TLN2: variants seen among roughly 807,000 people sequenced by gnomAD.
TLN2 encodes talin 2, also known as talin-2.
Under a neutral mutation model 294.7 loss-of-function variants are expected in TLN2, and 118 were observed. The observed-to-expected ratio is 0.40, with a 90% CI of 0.34 to 0.47. The LOEUF (loss-of-function observed/expected upper bound fraction) is 0.47, where lower values mean the gene tolerates loss of function less well. TLN2 is among the 20% of genes least tolerant of loss of function. TLN2 has a pLI of 0.84. For synonymous variants in TLN2, 1,431 were observed against 1,304.5 expected (o/e 1.10, Z -2.09); for missense variants, 3,083 against 3,282.2 (o/e 0.94, Z 1.48).
rs776541173 is a variant in TLN2, at chr15:62,724,985, G to A, written c.3136G>A (p.Ala1046Thr). 11 of 1,611,722 alleles carry A rather than the reference G, an allele frequency of 6.8e-6. No individual in the cohort carries two copies. Among genetic ancestry groups the A allele is most frequent in the East Asian group, 6.7e-5 (3 of 44,828 alleles). Residue 1046 changes from alanine to threonine, a missense_variant, in exon 27 of 59, where the codon GCT (alanine) becomes ACT (threonine). Transcript: ENST00000636159. ...LRTASQKAHE[A>T]CGPMEIDSAL... is the part of the protein sequence containing the mutation. ...CCAACTCTGTTGGCAGGCCCATGAA[G>A]CTTGTGGTCCGATGGAAATCGATTC...
At chr15:62,765,033 C>T (rs1279770888) in intron 40 of TLN2, among the ~76,000 whole-genome samples, 1 of 151,016 alleles carries the variant, frequency 6.6e-6, no homozygotes, top group Non-Finnish European at 1.5e-5. Context: ...CCCTCATCCC[C>T]CCATCCTTTC....
intron 54 of TLN2, among the ~76,000 whole-genome samples, chr15:62,822,466 A>G (rs1242856600): frequency 6.6e-6 from 1 of 152,226 alleles, no homozygotes; most frequent in African/African-American, 2.4e-5. Context: ...TGGGTACTTT[A>G]TGGGAGTCAC....
At chr15:62,827,462 A>G (rs1338112258) in intron 54 of TLN2, among the ~76,000 whole-genome samples, 1 of 152,190 alleles carries the variant, frequency 6.6e-6, no homozygotes, top group South Asian at 2.1e-4. Context: ...TTGCTCCTCC[A>G]GTGACAGAAA....
At chr15:62,686,580 C>T (rs1318706019) in intron 11 of TLN2, 61 bp from the exon 12 acceptor site, 2 of 1,542,502 alleles carry the variant, frequency 1.3e-6, no homozygotes, top group Non-Finnish European at 1.8e-6. Flanking sequence ...ATCACTGATT[C>T]CCTGGCAAAG....
At chr15:62,789,570 C>G (rs1047173050) in intron 45 of TLN2, among the ~76,000 whole-genome samples, 1 of 152,106 alleles carries the variant, frequency 6.6e-6, no homozygotes, top group Non-Finnish European at 1.5e-5. Context: ...GAGGATGTGT[C>G]CCACCATGGA....
intron 41 of TLN2, among the ~76,000 whole-genome samples, chr15:62,768,244 G>A (rs1394425909): frequency 6.6e-6 from 1 of 152,170 alleles, no homozygotes; most frequent in African/African-American, 2.4e-5. Context: ...CTCATCCAAG[G>A]TCTAAAATCA....
chr15:62,713,269 C>CT (rs1328564009), intron 22 of TLN2, among the ~76,000 whole-genome samples: 1 of 50,964 alleles, frequency 2.0e-5, no homozygotes, highest in African/African-American at 4.8e-5. Context: ...AAACCTGCGT[C>CT]TCAAAAAAAA....
intron 1 of TLN2, among the ~76,000 whole-genome samples, chr15:62,533,080 C>T (rs1017046148): frequency 1.3e-5 from 2 of 151,584 alleles, no homozygotes; most frequent in Non-Finnish European, 2.9e-5. Context: ...GTGGTGAAAC[C>T]CTGTCTCTAT....
intron 26 of TLN2, among the ~76,000 whole-genome samples, chr15:62,724,333 A>G (rs2060318423): frequency 6.6e-6 from 1 of 152,152 alleles, no homozygotes; most frequent in Non-Finnish European, 1.5e-5. Context: ...AAGAAATGAA[A>G]ATGTACCAGT....
chr15:62,789,490 G>T (rs111630301), intron 45 of TLN2, among the ~76,000 whole-genome samples: 1 of 152,156 alleles, frequency 6.6e-6, no homozygotes, highest in Non-Finnish European at 1.5e-5. Flanking sequence ...GGGCAGCAGG[G>T]CACTGGGGTA....
chr15:62,840,341 C>A, intron 58 of TLN2, 141 bp from the exon 59 acceptor site: 1 of 1,243,714 alleles, frequency 8.0e-7, no homozygotes, highest in Non-Finnish European at 1.1e-6. Flanking sequence ...AGAGGCTGGT[C>A]GCCAGAGCTA....
At chr15:62,498,652 A>T (rs1337113182) in intron 1 of TLN2, among the ~76,000 whole-genome samples, 2 of 152,196 alleles carry the variant, frequency 1.3e-5, no homozygotes, top group Non-Finnish European at 2.9e-5. Context: ...TGTCTGTCAC[A>T]GGAAAGTGAG....
chr15:62,587,107 G>T (rs1272997520), intron 1 of TLN2, among the ~76,000 whole-genome samples: 2 of 152,184 alleles, frequency 1.3e-5, no homozygotes, highest in East Asian at 3.8e-4. Context: ...AGGCAGGGGT[G>T]ACATGACCCT....
At chr15:62,579,896 G>T (rs1247264619) in intron 1 of TLN2, among the ~76,000 whole-genome samples, 1 of 152,222 alleles carries the variant, frequency 6.6e-6, no homozygotes, top group Non-Finnish European at 1.5e-5. Flanking sequence ...GGAGGAGCAT[G>T]CACCTTCCCA....
At chr15:62,645,461 A>G (rs1477793149) in intron 3 of TLN2, among the ~76,000 whole-genome samples, 2 of 152,240 alleles carry the variant, frequency 1.3e-5, no homozygotes, top group African/African-American at 4.8e-5. Context: ...TCAGAATGAC[A>G]TTGCAGTTGG....
intron 1 of TLN2, among the ~76,000 whole-genome samples, chr15:62,584,985 G>A (rs1008313231): frequency 6.6e-5 from 10 of 152,174 alleles, no homozygotes; most frequent in Non-Finnish European, 1.5e-4. Context: ...GGGCCCATAT[G>A]AGCCCATATT....
chr15:62,460,759 A>C (rs1335614408), intron 1 of TLN2, among the ~76,000 whole-genome samples: 1 of 152,226 alleles, frequency 6.6e-6, no homozygotes, highest in African/African-American at 2.4e-5. Context: ...GCATAGAGAA[A>C]TGAACACAAA....
intron 1 of TLN2, among the ~76,000 whole-genome samples, chr15:62,525,361 T>C (rs930941013): frequency 6.6e-6 from 1 of 152,234 alleles, no homozygotes; most frequent in African/African-American, 2.4e-5. Context: ...AGCATGGGAT[T>C]AACTTGCATA....
At chr15:62,529,294 G>A (rs2040909552) in intron 1 of TLN2, among the ~76,000 whole-genome samples, 1 of 152,070 alleles carries the variant, frequency 6.6e-6, no homozygotes, top group South Asian at 2.1e-4. Context: ...GACCGGGTCT[G>A]TGTTGCCAGG....
Sources: gnomAD v4.1 joint callset for allele counts (sites outside exome capture counted in the v4.1 genomes callset) on GRCh38, gnomAD v4.1.1 for gene constraint, MANE v1.5 for transcripts, NCBI Gene and HGNC (gene_info 2026-07-23, HGNC 2026-07-21) for gene names.